Variants in NSUN7 observed in about 807,000 individuals in gnomAD.
NSUN7 encodes the protein protein NSUN7.
Under a neutral mutation model 58.5 loss-of-function variants are expected in NSUN7, and 39 were observed. That is an observed-to-expected ratio of 0.67 (90% CI 0.52 to 0.87). NSUN7 has a LOEUF of 0.87. Among genes scored for constraint, NSUN7 ranks in the 40% least tolerant of loss-of-function variants. The pLI, the probability that NSUN7 is intolerant of heterozygous loss-of-function variation, is 0.00. For synonymous variants in NSUN7, 278 were observed against 303.7 expected, an observed-to-expected ratio of 0.92 and a Z score of 0.88; for missense variants, 765 against 844.1, an observed-to-expected ratio of 0.91 and a Z score of 1.16.
chr4:40,798,940 C>T, intron 10 of NSUN7, 36 bp downstream of exon 10: 1 of 1,064,516 alleles, frequency 9.4e-7, no homozygotes, highest in South Asian at 1.5e-5. Context: ...ACAACTCAAA[C>T]AAATATTTTT....
At chr4:40,756,712 G>A (rs1433876939) in intron 2 of NSUN7, among the ~76,000 whole-genome samples, 2 of 152,120 alleles carry the variant, frequency 1.3e-5, no homozygotes, top group African/African-American at 2.4e-5. Flanking sequence ...TAATTCATAT[G>A]GTTGTTGTGG....
At chr4:40,788,295 G>A (rs1560558998) in intron 7 of NSUN7, among the ~76,000 whole-genome samples, 1 of 152,104 alleles carries the variant, frequency 6.6e-6, no homozygotes, top group African/African-American at 2.4e-5. Context: ...TACATATTTG[G>A]GATTTGTTAG....
At chr4:40,755,203 C>T (rs2465563) in intron 2 of NSUN7, among the ~76,000 whole-genome samples, 1,883 of 152,214 alleles carry the variant, frequency 0.012, 41 homozygotes, top group African/African-American at 0.043. Flanking sequence ...GATTCTCCTG[C>T]CTCAGCCTCC....
In NSUN7 at chr4:40,776,149, A is replaced by G. The variant is rs780469058; in HGVS notation, c.926A>G (p.His309Arg). 20 of 1,608,520 alleles carry G rather than the reference A, an allele frequency of 1.2e-5. No homozygotes were observed. The highest frequency in any genetic ancestry group is 3.3e-5 in the South Asian group (3 of 90,946). ...ACAGGCTCATGGTACACAGTTTCCC[A>G]CATGTCAATTTTAACAAATAATAAT... is the stretch of plus-strand genomic sequence containing the variant. ...VNTGSWYTVS[H>R]MSILTNNNTS... Residue 309 changes from histidine to arginine, a missense_variant, in exon 7 of 12, where the codon CAC (histidine) becomes CGC (arginine). His to Arg is a conservative substitution (Grantham distance 29). Transcript: ENST00000381782.
chr4:40,801,838 G>C (rs891595446), intron 10 of NSUN7, among the ~76,000 whole-genome samples: 6 of 149,260 alleles, frequency 4.0e-5, no homozygotes, highest in African/African-American at 1.5e-4. Context: ...AGAGGTTAAG[G>C]CTGTAGTGAG....
intron 8 of NSUN7, among the ~76,000 whole-genome samples, chr4:40,794,015 T>G (rs2154288805): frequency 6.6e-6 from 1 of 152,334 alleles, no homozygotes; most frequent in South Asian, 2.1e-4. Flanking sequence ...TTCGTTTTTA[T>G]CTTGGAAAAT....
At position 40,808,838 on chromosome 4, in the gene NSUN7, G is replaced by A. The variant is rs968208662; in HGVS notation, c.2056G>A (p.Val686Met). The change falls in exon 12 of 12, where the codon GTG becomes ATG. Residue 686 changes from valine (V) to methionine (M), a missense_variant. Coordinates refer to ENST00000381782, the MANE Select transcript of NSUN7 (RefSeq NM_024677.6). ...TCGTTGGGTTGCACCCAAGGCACTT[G>A]TGCCCACCTGCCTTCCCACACACTC... is the stretch of plus-strand genomic sequence containing the variant. ...YCRWVAPKAL[V>M]PTCLPTHSLS... 1.3e-6 allele frequency: 2 copies of A among 1,549,410 alleles called. No homozygotes were observed. Among genetic ancestry groups the A allele is most frequent in the African/African-American group, 1.4e-5 (1 of 72,512 alleles).
intron 7 of NSUN7, among the ~76,000 whole-genome samples, chr4:40,778,419 C>T (rs1394562164): frequency 3.3e-5 from 5 of 152,166 alleles, no homozygotes; most frequent in African/African-American, 9.7e-5. Flanking sequence ...TCCTAACCCC[C>T]GAAGTGATGG....
intron 2 of NSUN7, 133 bp downstream of exon 2, chr4:40,751,124 T>C (rs1740810745): frequency 1.1e-6 from 1 of 914,104 alleles, no homozygotes; most frequent in Middle Eastern, 2.4e-4. Flanking sequence ...TATCTTTGGT[T>C]AATTGCAAGT....
At position 40,750,924 on chromosome 4, in the gene NSUN7, C is replaced by T. The variant is rs116454763; in HGVS notation, c.231C>T (p.Ser77=). The part of the protein sequence containing the change: ...LIKYGNEPLR[S]LSESEDQSFQ... ...AGTATGGGAATGAACCCCTGCGGTC[C>T]TTGTCCGAGTCTGAGGATCAGTCCT... The change falls in exon 2 of 12, where the codon TCC becomes TCT. Residue 77 remains serine, a synonymous_variant. Coordinates refer to ENST00000381782, the MANE Select transcript of NSUN7 (RefSeq NM_024677.6). 1 of 1,614,194 alleles carries T rather than the reference C, an allele frequency of 6.2e-7. No individual in the cohort carries two copies. Among genetic ancestry groups the T allele is most frequent in the South Asian group, 1.1e-5 (1 of 91,084 alleles).
chr4:40,780,805 ATATATATATTTTTT>A (rs1379428395), intron 7 of NSUN7, among the ~76,000 whole-genome samples: 4 of 98,734 alleles, frequency 4.1e-5, no homozygotes, highest in African/African-American at 1.6e-4. Flanking sequence ...ATATATATAT[ATATATATATTTTTT>A]TTTTTTTTTT....
intron 10 of NSUN7, among the ~76,000 whole-genome samples, chr4:40,799,326 A>G (rs918164823): frequency 3.3e-5 from 5 of 151,894 alleles, no homozygotes; most frequent in Non-Finnish European, 7.4e-5. Context: ...ACCTCAGGTA[A>G]TCCACCTGCC....
rs556981637 is a variant in NSUN7, at chr4:40,802,827, T to C, written c.1400+3923T>C. Among the ~76,000 whole-genome samples, 404 of 150,554 alleles carry C rather than the reference T, an allele frequency of 2.7e-3. 2 individuals carry two copies. The highest frequency in any genetic ancestry group is 9.3e-3 in the African/African-American group (381 of 40,996). On this transcript the variant is annotated intron_variant, in intron 10 of 11. Transcript: ENST00000381782. ...ATTAAACTTCAAGTTTCAGGGTACA[T>C]GTGCACAATGTGCAGGTTAGTTACA...
At chr4:40,796,285 T>C (rs1382047354) in intron 9 of NSUN7, among the ~76,000 whole-genome samples, 4 of 152,086 alleles carry the variant, frequency 2.6e-5, no homozygotes, top group African/African-American at 9.7e-5. Context: ...TATAGTGAGC[T>C]GAGATTGCAC....
intron 4 of NSUN7, among the ~76,000 whole-genome samples, chr4:40,765,806 A>G (rs1403446390): frequency 2.0e-5 from 3 of 152,090 alleles, no homozygotes; most frequent in Non-Finnish European, 4.4e-5. Context: ...CATCCCTTGT[A>G]AGTTGGATTC....
rs1743947440 is a variant in NSUN7, at chr4:40,808,314, C to T, written c.1532C>T (p.Pro511Leu). ...ATGCTTCTTTAATTGCAGCGGGACC[C>T]TTCTGAGACAGTGTCTGTGAATGAT... Reference protein sequence around the residue: ...FLSILTRERDPSETVSVNDVL... With the variant: ...FLSILTRERDLSETVSVNDVL... The change falls in exon 12 of 12, where the codon CCT (proline) becomes CTT (leucine). Residue 511 changes from proline to leucine, a missense_variant. Physicochemically the swap from Pro to Leu is moderately conservative, Grantham distance 98 (BLOSUM62 -3). Transcript: ENST00000381782. 6.2e-7 allele frequency: 1 copy of T among 1,610,482 alleles called. No homozygotes were observed. The highest frequency in any genetic ancestry group is 8.5e-7 in the Non-Finnish European group (1 of 1,177,794).
intron 3 of NSUN7, among the ~76,000 whole-genome samples, chr4:40,760,759 G>A (rs954806743): frequency 2.0e-5 from 3 of 151,486 alleles, no homozygotes; most frequent in Admixed American, 6.6e-5. Context: ...TACTTGGGAG[G>A]CTGAAGCAGG....
At chr4:40,802,761 A>G (rs1464024333) in intron 10 of NSUN7, among the ~76,000 whole-genome samples, 1 of 150,882 alleles carries the variant, frequency 6.6e-6, no homozygotes, top group Non-Finnish European at 1.5e-5. Context: ...TTTTACCCTG[A>G]CACTTTGTAC....
chr4:40,803,184 C>G (rs563775638), intron 10 of NSUN7, among the ~76,000 whole-genome samples: 1 of 152,032 alleles, frequency 6.6e-6, no homozygotes, highest in South Asian at 2.1e-4. Context: ...TCCAGTCTAT[C>G]ATTGTTGGAC....
Sources: gnomAD v4.1 joint callset for allele counts (sites outside exome capture counted in the v4.1 genomes callset) on GRCh38, gnomAD v4.1.1 for gene constraint, MANE v1.5 for transcripts, NCBI Gene and HGNC (gene_info 2026-07-23, HGNC 2026-07-21) for gene names.